The following FRMD4B variants were observed in gnomAD, a reference collection of about 807,000 sequenced individuals.
The protein encoded by FRMD4B is FERM domain containing 4B.
FRMD4B carries 74 observed loss-of-function variants against 141.5 expected under a neutral mutation model. That is an observed-to-expected ratio of 0.52 (90% CI 0.43 to 0.63). The LOEUF (loss-of-function observed/expected upper bound fraction) is 0.63. FRMD4B is among the 30% of genes least tolerant of loss of function. FRMD4B has a pLI of 0.00. For missense variants in FRMD4B, 1,366 were observed against 1,253.4 expected (o/e 1.09, Z -1.36); for synonymous variants, 506 against 467.9 (o/e 1.08, Z -1.05).
intron 11 of FRMD4B, among the ~76,000 whole-genome samples, chr3:69,210,733 G>T (rs963311705): frequency 1.3e-5 from 2 of 152,112 alleles, no homozygotes; most frequent in Non-Finnish European, 2.9e-5. Context: ...GAGGGTGGAG[G>T]CCGGGTGTAG....
chr3:69,534,328 T>C (rs555847597), intron 1 of FRMD4B, among the ~76,000 whole-genome samples: 2 of 152,354 alleles, frequency 1.3e-5, no homozygotes, highest in East Asian at 3.9e-4. Flanking sequence ...TTACAAGACA[T>C]GAAGGTCTAG....
intron 1 of FRMD4B, among the ~76,000 whole-genome samples, chr3:69,323,608 GTATA>G (rs55847019): frequency 0.015 from 1,508 of 101,262 alleles, 8 homozygotes; most frequent in East Asian, 0.022. Flanking sequence ...CTCTCTCTGT[GTATA>G]TATATATATA....
chr3:69,357,141 G>C (rs1019817637), intron 1 of FRMD4B, among the ~76,000 whole-genome samples: 1 of 152,146 alleles, frequency 6.6e-6, no homozygotes, highest in Non-Finnish European at 1.5e-5. Flanking sequence ...AGGTGCCAGG[G>C]ATTCAGTCGT....
intron 1 of FRMD4B, among the ~76,000 whole-genome samples, chr3:69,487,837 A>G (rs568958409): frequency 5.1e-4 from 78 of 152,362 alleles, no homozygotes; most frequent in Non-Finnish European, 1.0e-3. Flanking sequence ...ATGAATACCC[A>G]GTATCTATGT....
At chr3:69,266,622 G>A (rs994076684) in intron 5 of FRMD4B, among the ~76,000 whole-genome samples, 4 of 152,018 alleles carry the variant, frequency 2.6e-5, no homozygotes, top group African/African-American at 9.7e-5. Flanking sequence ...CACCGTGACT[G>A]GCCTGAAAAA....
chr3:69,283,847 C>T (rs2093655100), intron 5 of FRMD4B, among the ~76,000 whole-genome samples: 1 of 152,096 alleles, frequency 6.6e-6, no homozygotes, highest in South Asian at 2.1e-4. Flanking sequence ...GCCTTTGATG[C>T]TGGGAACATT....
intron 1 of FRMD4B, among the ~76,000 whole-genome samples, chr3:69,361,565 T>A (rs987605192): frequency 2.0e-5 from 3 of 152,224 alleles, no homozygotes; most frequent in African/African-American, 7.2e-5. Context: ...TAGTTTTTCC[T>A]GTTGTAGAAC....
intron 22 of FRMD4B, among the ~76,000 whole-genome samples, chr3:69,174,001 G>A (rs919621443): frequency 6.6e-6 from 1 of 152,114 alleles, no homozygotes; most frequent in South Asian, 2.1e-4. Context: ...GCCAGATGCG[G>A]TGGTATGCAC....
chr3:69,490,209 C>A (rs1416945452), intron 1 of FRMD4B, among the ~76,000 whole-genome samples: 1 of 152,120 alleles, frequency 6.6e-6, no homozygotes, highest in Admixed American at 6.5e-5. Flanking sequence ...TAAACATGAA[C>A]AAACATTTTA....
In FRMD4B at chr3:69,200,598, C is replaced by A. The variant is rs540679239; in HGVS notation, c.877-1824G>T. 234 of 1,193,112 alleles carry A rather than the reference C, an allele frequency of 2.0e-4. 4 individuals are homozygous for A. The South Asian group carries it at 2.8e-3, about 14-fold the overall frequency. 73.9% of individuals were successfully genotyped at this position (1,193,112 alleles called of 1,614,324 possible). ...ACACACTACTGACATCAGCAACTCT[C>A]CTGAGTGACACCTCCCTAATTCTAC... On this transcript the variant is annotated intron_variant, in intron 11 of 22. Transcript: ENST00000398540.
intron 19 of FRMD4B, among the ~76,000 whole-genome samples, chr3:69,185,300 C>CAAAA (rs1237352393): frequency 2.9e-5 from 2 of 67,934 alleles, no homozygotes; most frequent in African/African-American, 1.0e-4. Context: ...GACTCCGTCT[C>CAAAA]AAAAAAAAAA....
At chr3:69,235,150 A>AAATAATAATAAT (rs55995422) in intron 7 of FRMD4B, among the ~76,000 whole-genome samples, 97 of 134,110 alleles carry the variant, frequency 7.2e-4, no homozygotes, top group Middle Eastern at 3.6e-3. Flanking sequence ...ACCCTGTCTC[A>AAATAATAATAAT]AATAATAATA....
At chr3:69,254,924 T>C (rs1196326543) in intron 5 of FRMD4B, among the ~76,000 whole-genome samples, 1 of 151,968 alleles carries the variant, frequency 6.6e-6, no homozygotes, top group Non-Finnish European at 1.5e-5. Flanking sequence ...ATCTGAGGGA[T>C]ATTCTGTAAA....
chr3:69,442,297 G>T (rs562843919), intron 1 of FRMD4B, among the ~76,000 whole-genome samples: 1 of 152,014 alleles, frequency 6.6e-6, no homozygotes, highest in East Asian at 1.9e-4. Context: ...GTCCAGGCTG[G>T]TCTCAAACTC....
chr3:69,309,703 C>A (rs1350816089), intron 3 of FRMD4B, among the ~76,000 whole-genome samples: 2 of 151,410 alleles, frequency 1.3e-5, no homozygotes, highest in Non-Finnish European at 2.9e-5. Flanking sequence ...CATCTCGGCC[C>A]TCCAAAGTGC....
intron 5 of FRMD4B, among the ~76,000 whole-genome samples, chr3:69,255,186 T>C (rs890205495): frequency 6.6e-6 from 1 of 152,192 alleles, no homozygotes; most frequent in Non-Finnish European, 1.5e-5. Context: ...TTAGGAAATA[T>C]ACAATGAAAA....
chr3:69,397,032 G>A (rs1307660456), intron 2 of FRMD4B, among the ~76,000 whole-genome samples: 1 of 152,148 alleles, frequency 6.6e-6, no homozygotes, highest in Non-Finnish European at 1.5e-5. Flanking sequence ...AATTGAAAAC[G>A]TATGTTCACA....
chr3:69,320,669 C>T (rs1487691878), intron 1 of FRMD4B, among the ~76,000 whole-genome samples: 1 of 152,138 alleles, frequency 6.6e-6, no homozygotes, highest in African/African-American at 2.4e-5. Flanking sequence ...TTCTGAACCC[C>T]CAGAGACCAT....
At chr3:69,520,974 T>C (rs977849544) in intron 1 of FRMD4B, among the ~76,000 whole-genome samples, 2 of 152,252 alleles carry the variant, frequency 1.3e-5, no homozygotes, top group Admixed American at 1.3e-4. Flanking sequence ...CCCATGAGAA[T>C]AACCTCAGTT....
Sources: allele counts gnomAD v4.1 joint callset (sites outside exome capture counted in the v4.1 genomes callset), GRCh38; gene constraint gnomAD v4.1.1; transcripts MANE v1.5; gene names NCBI Gene and HGNC (gene_info 2026-07-23, HGNC 2026-07-21).